POLD1: variants seen among roughly 807,000 people sequenced by gnomAD.
The protein encoded by POLD1 is DNA polymerase delta catalytic subunit.
In POLD1, 79 loss-of-function variants were observed where a neutral mutation model predicts 129.7. The observed-to-expected ratio is 0.61, with a 90% CI of 0.51 to 0.73. The LOEUF is 0.73. Among genes scored for constraint, POLD1 ranks in the 30% least tolerant of loss-of-function variants. The pLI is 0.00. For missense variants in POLD1, 1,338 were observed against 1,595.8 expected (o/e 0.84, Z 2.75); for synonymous variants, 714 against 683.3 (o/e 1.04, Z -0.70).
intron 14 of POLD1, among the ~76,000 whole-genome samples, chr19:50,407,868 G>C (rs1263423315): frequency 2.0e-5 from 3 of 147,954 alleles, no homozygotes; most frequent in Non-Finnish European, 4.5e-5. Context: ...CACCGTGCCC[G>C]GCCGAAAAAA....
At chr19:50,415,860 C>A in intron 22 of POLD1, 34 bp downstream of exon 22, 1 of 1,364,644 alleles carries the variant, frequency 7.3e-7, no homozygotes, top group Non-Finnish European at 9.8e-7. Context: ...TCCCGCCCAG[C>A]CCCCTCGCTC....
chr19:50,407,201 AC>A (rs759420705), intron 13 of POLD1, 27 bp downstream of exon 13: 9 of 1,578,736 alleles, frequency 5.7e-6, no homozygotes, highest in Non-Finnish European at 6.1e-6. Context: ...TGTCCTCGCC[AC>A]CCCCCACCAG....
In POLD1 at chr19:50,409,191, G is replaced by A. The variant is rs1601226694; in HGVS notation, c.1962G>A (p.Gly654=). ...TTGTGAAGACCTCAGTGCGGAAGGG[G>A]CTGCTGCCCCAGATCCTGGAGAACC... ...DEFVKTSVRK[G]LLPQILENLL... is the part of the protein sequence containing the mutation. The change falls in exon 16 of 27, where the codon GGG becomes GGA. Residue 654 remains glycine, a synonymous_variant. Transcript: ENST00000440232. This position sits in a 1 kb window ranked among gnomAD's most constrained non-coding sequence, Gnocchi z 5.8. 1 of 1,613,716 alleles carries A rather than the reference G, an allele frequency of 6.2e-7. No individual in the cohort carries two copies. The highest frequency in any genetic ancestry group is 1.3e-5 in the African/African-American group (1 of 75,062).
At chr19:50,398,630 A>T (rs2122190273) in intron 1 of POLD1, among the ~76,000 whole-genome samples, 1 of 147,452 alleles carries the variant, frequency 6.8e-6, no homozygotes, top group Middle Eastern at 3.6e-3. Flanking sequence ...GATGGGAGAG[A>T]GGGTCGGGGA....
chr19:50,402,742 G>A lies in POLD1; in HGVS notation c.970+1G>A, dbSNP rs1337231648. The A allele has an allele frequency of 6.3e-7, 1 of 1,586,386 alleles. No individual in the cohort carries two copies. On this transcript the variant is annotated splice_donor_variant, in intron 8 of 26. Transcript: ENST00000440232. LOFTEE classifies it high-confidence loss of function. ...GATATCGAGTGCGCCGGCCGCAAAG[G>A]TCTGTCCCCGGGCCCGGGCTCCTGC...
intron 1 of POLD1, among the ~76,000 whole-genome samples, chr19:50,392,851 G>A (rs1054924198): frequency 6.6e-6 from 1 of 152,376 alleles, no homozygotes; most frequent in African/African-American, 2.4e-5. Context: ...AGATAAAATT[G>A]TGAGTGCACC....
intron 24 of POLD1, 142 bp downstream of exon 24, chr19:50,416,865 C>A (rs909988280): frequency 1.1e-6 from 1 of 940,828 alleles, no homozygotes; most frequent in South Asian, 1.7e-5. Context: ...GTCTCCACCC[C>A]CCACAGAGGG....
Position 50,407,396 on chromosome 19 carries a change from G to A in POLD1, c.1756G>A (p.Val586Ile), listed in dbSNP as rs1601221294. Residue 586 changes from valine to isoleucine, a missense_variant, in exon 14 of 27, where the codon GTC (valine) becomes ATC (isoleucine). Val to Ile is a conservative substitution (Grantham distance 29, BLOSUM62 3). This residue lies in a region of POLD1 where 720 missense variants were observed against 1,002.6 expected (regional missense o/e 0.72). Transcript: ENST00000440232. ...EGGEDYTGAT[V>I]IEPLKGYYDV... is the part of the protein sequence containing the mutation. ...CGGCGAGGACTACACGGGAGCCACT[G>A]TCATCGAGCCCCTCAAAGGGTGAGG... The A allele has an allele frequency of 1.2e-6, 2 of 1,608,958 alleles. No individual in the cohort carries two copies.
intron 1 of POLD1, among the ~76,000 whole-genome samples, chr19:50,391,888 T>G (rs947737173): frequency 2.6e-5 from 4 of 151,550 alleles, no homozygotes; most frequent in African/African-American, 9.7e-5. Flanking sequence ...AATTTTTGTA[T>G]TTTTTTTAGT....
At position 50,399,074 on chromosome 19, in the gene POLD1, T is replaced by C. The variant is rs1726787; in HGVS notation, c.202+21T>C. Reference sequence around the variant, plus strand: ...AGACGGTAAGGCTTGGAGTTGGAGGTTCCTGCTGCCCAACCCATTGCCCCT... The same window carrying C: ...AGACGGTAAGGCTTGGAGTTGGAGGCTCCTGCTGCCCAACCCATTGCCCCT... On this transcript the variant is annotated intron_variant, in intron 2 of 26. Transcript: ENST00000440232. The C allele has an allele frequency of 0.091, 141,572 of 1,550,262 alleles. 9,181 individuals carry two copies. Among genetic ancestry groups the C allele is most frequent in the African/African-American group, 0.29 (21,349 of 73,026 alleles).
Position 50,385,193 on chromosome 19 carries a change from G to A in POLD1, c.-2+803G>A, listed in dbSNP as rs1028212283. On this transcript the variant is annotated intron_variant, in intron 1 of 26. Coordinates refer to ENST00000440232, the MANE Select transcript of POLD1 (RefSeq NM_002691.4). Reference sequence around the variant, plus strand: ...GGAAATTGGATTGTAGCAGGAATAAGAATGGAAGGAGGGAGATCTGTTAGG... The same window carrying A: ...GGAAATTGGATTGTAGCAGGAATAAAAATGGAAGGAGGGAGATCTGTTAGG... 3.9e-5 allele frequency among the ~76,000 whole-genome samples: 6 copies of A among 152,218 alleles called. No individual in the cohort carries two copies. In the East Asian group the frequency reaches 1.2e-3, roughly 29 times the overall value.
chr19:50,413,308 G>T (rs1010712310), intron 17 of POLD1, 118 bp from the exon 18 acceptor site: 18 of 789,824 alleles, frequency 2.3e-5, no homozygotes, highest in Non-Finnish European at 3.3e-5. Context: ...GGGCAGAGTG[G>T]CTTGTACATA....
At chr19:50,398,159 C>G (rs1475229467) in intron 1 of POLD1, among the ~76,000 whole-genome samples, 1 of 152,116 alleles carries the variant, frequency 6.6e-6, no homozygotes, top group East Asian at 1.9e-4. Flanking sequence ...GAGATTATTT[C>G]AAAGTATTTA....
At position 50,415,435 on chromosome 19, in the gene POLD1, C is replaced by G. The variant is rs772419397; in HGVS notation, c.2565-3C>G. 6.2e-7 allele frequency: 1 copy of G among 1,611,896 alleles called. No individual in the cohort carries two copies. Among genetic ancestry groups the G allele is most frequent in the Non-Finnish European group, 8.5e-7 (1 of 1,179,398 alleles). On this transcript the variant is annotated splice_polypyrimidine_tract_variant and splice_region_variant and intron_variant, in intron 20 of 26. Coordinates refer to ENST00000440232, the MANE Select transcript of POLD1 (RefSeq NM_002691.4). ...TGACGCTGTGCGGCCCGCTCTCCTA[C>G]AGAGACCCTGAGGGCGCGGTGGCTC...
At chr19:50,399,188 C>T in intron 2 of POLD1, 135 bp downstream of exon 2, 1 of 1,357,494 alleles carries the variant, frequency 7.4e-7, no homozygotes, top group Non-Finnish European at 1.0e-6. Context: ...ACTGCCCTTC[C>T]ACCCCGTGCA....
intron 1 of POLD1, among the ~76,000 whole-genome samples, chr19:50,391,010 C>G (rs2038139616): frequency 6.6e-6 from 1 of 152,104 alleles, no homozygotes; most frequent in Non-Finnish European, 1.5e-5. Flanking sequence ...TCTCTCTTTC[C>G]TTTCCCATTT....
In POLD1 at chr19:50,417,897, C is replaced by A; in HGVS notation, c.3274C>A (p.Gln1092Lys). ...GAAGGTGCGGAAGGACCTGGAAGACCAGGAGCAGCTCCTGCGGCGCTTCGG... is the reference window on the plus strand; with the variant it reads ...GAAGGTGCGGAAGGACCTGGAAGACAAGGAGCAGCTCCTGCGGCGCTTCGG... ...RKKVRKDLED[Q>K]EQLLRRFGPP... Residue 1092 changes from glutamine (Q) to lysine (K), a missense_variant, in exon 27 of 27, where the codon CAG becomes AAG. This residue lies in a region of POLD1 where 286 missense variants were observed against 277.5 expected (regional missense o/e 1.03). Coordinates refer to ENST00000440232, the MANE Select transcript of POLD1 (RefSeq NM_002691.4). 2.5e-6 allele frequency: 4 copies of A among 1,611,960 alleles called. No homozygotes were observed. The highest frequency in any genetic ancestry group is 1.1e-5 in the South Asian group (1 of 90,530).
rs1291777319 is a variant in POLD1, at chr19:50,409,067, A to C, written c.1893-55A>C. On this transcript the variant is annotated intron_variant, in intron 15 of 26. Transcript: ENST00000440232. The surrounding 1 kb of genome is among the most constrained non-coding windows in gnomAD (Gnocchi z 5.8). ...GGCCAAGGCCAGGACCGTAGGGCAG[A>C]GGTGGGCTGGAGCAGGAGGGTGGCC... is the stretch of plus-strand genomic sequence containing the variant. 7.1e-7 allele frequency: 1 copy of C among 1,405,208 alleles called. No individual in the cohort carries two copies. Among genetic ancestry groups the C allele is most frequent in the African/African-American group, 1.4e-5 (1 of 70,912 alleles). The allele number at this position is 1,405,208 out of a possible 1,614,324, so 87.0% of individuals were successfully genotyped here.
chr19:50,407,589 C>T (rs1021267975), intron 14 of POLD1, among the ~76,000 whole-genome samples, 174 bp downstream of exon 14: 5 of 151,448 alleles, frequency 3.3e-5, no homozygotes, highest in African/African-American at 1.2e-4. Flanking sequence ...GACAGAGTCT[C>T]GCTCTGTCAC....
Sources: gnomAD v4.1 joint callset for allele counts (sites outside exome capture counted in the v4.1 genomes callset) on GRCh38, gnomAD v4.1.1 for gene constraint, gnomAD v4.1.1 regional missense constraint, Gnocchi (gnomAD v3.1) non-coding constraint, MANE v1.5 for transcripts, NCBI Gene and HGNC (gene_info 2026-07-23, HGNC 2026-07-21) for gene names.